RHOBTB1: variants seen among roughly 807,000 people sequenced by gnomAD.
RHOBTB1 encodes the protein Rho related BTB domain containing 1, also known as rho-related BTB domain-containing protein 1.
In RHOBTB1, 40 loss-of-function variants were observed where a neutral mutation model predicts 71.6. The observed-to-expected ratio is 0.56, with a 90% CI of 0.43 to 0.73. The LOEUF (loss-of-function observed/expected upper bound fraction) is 0.73. Ranked by LOEUF, RHOBTB1 falls within the 30% of genes least tolerant of loss-of-function variation. The probability of loss-of-function intolerance (pLI) is 0.00; values close to 1 mark genes in which losing one functional copy is unlikely to be tolerated. For synonymous variants in RHOBTB1, 319 were observed against 334.9 expected (o/e 0.95, Z 0.52); for missense variants, 797 against 894.0 (o/e 0.89, Z 1.38).
chr10:60,910,528 A>G (rs1163835359), intron 4 of RHOBTB1, among the ~76,000 whole-genome samples: 1 of 152,200 alleles, frequency 6.6e-6, no homozygotes, highest in Non-Finnish European at 1.5e-5. Context: ...AAGTAGGGTG[A>G]CCAAGTGCCA....
At chr10:60,989,261 A>G (rs1026484915) in intron 1 of RHOBTB1, among the ~76,000 whole-genome samples, 15 of 152,234 alleles carry the variant, frequency 9.9e-5, no homozygotes, top group African/African-American at 3.4e-4. Context: ...GTTTTATAAA[A>G]ATCAAGTAAG....
At chr10:60,944,817 T>A (rs1293350108), upstream of RHOBTB1, among the ~76,000 whole-genome samples, 1 of 152,184 alleles carries the variant, frequency 6.6e-6, no homozygotes, top group Non-Finnish European at 1.5e-5. Context: ...TCCTCCACTC[T>A]GGGTTACCTT....
intron 1 of RHOBTB1, among the ~76,000 whole-genome samples, chr10:60,996,592 G>A (rs1422014335): frequency 6.6e-6 from 1 of 152,044 alleles, no homozygotes; most frequent in Non-Finnish European, 1.5e-5. Context: ...ATGGTTATGC[G>A]AGGGCTGTTG....
chr10:60,884,817 A>G (rs2081491600), intron 7 of RHOBTB1, among the ~76,000 whole-genome samples: 1 of 152,214 alleles, frequency 6.6e-6, no homozygotes, highest in Admixed American at 6.5e-5. Context: ...AAGAGTGATT[A>G]CCAGAGGCTG....
At chr10:60,950,234 A>G (rs2085365595) in intron 2 of RHOBTB1, among the ~76,000 whole-genome samples, 2 of 152,246 alleles carry the variant, frequency 1.3e-5, no homozygotes, top group African/African-American at 4.8e-5. Context: ...AATTTAATGT[A>G]TAATGTGTAT....
intron 2 of RHOBTB1, among the ~76,000 whole-genome samples, chr10:60,956,425 C>T (rs996338330): frequency 2.0e-5 from 3 of 152,044 alleles, no homozygotes; most frequent in Non-Finnish European, 4.4e-5. Flanking sequence ...TACTCTCAGG[C>T]TACACTATAT....
chr10:60,960,977 G>A (rs1160922651), intron 2 of RHOBTB1, among the ~76,000 whole-genome samples: 1 of 152,074 alleles, frequency 6.6e-6, no homozygotes. Flanking sequence ...TGGGGGTGGA[G>A]GGTGGTTAAG....
intron 7 of RHOBTB1, among the ~76,000 whole-genome samples, chr10:60,881,669 T>C (rs1488207289): frequency 6.6e-6 from 1 of 151,854 alleles, no homozygotes; most frequent in African/African-American, 2.4e-5. Context: ...TTTTTCTTCT[T>C]CACGGAAACT....
intron 8 of RHOBTB1, among the ~76,000 whole-genome samples, chr10:60,875,326 T>C (rs1303846375): frequency 2.0e-5 from 3 of 152,214 alleles, no homozygotes; most frequent in Admixed American, 2.0e-4. Flanking sequence ...TGATAACTCC[T>C]GGCCACACGA....
chr10:60,928,639 G>A (rs369031876), intron 2 of RHOBTB1, among the ~76,000 whole-genome samples: 141 of 152,212 alleles, frequency 9.3e-4, no homozygotes, highest in African/African-American at 3.0e-3. Context: ...GTAGTGGAAA[G>A]GGGAGTAGAA....
chr10:60,911,031 A>G (rs779249340), intron 3 of RHOBTB1, 41 bp from the exon 4 acceptor site: 2 of 1,539,500 alleles, frequency 1.3e-6, no homozygotes, highest in Admixed American at 3.3e-5. Context: ...GGTGTCAGTC[A>G]GAAGTTCCCC....
intron 2 of RHOBTB1, among the ~76,000 whole-genome samples, chr10:60,921,160 C>G (rs1032970419): frequency 6.6e-6 from 1 of 151,876 alleles, no homozygotes; most frequent in African/African-American, 2.4e-5. Context: ...GTTGGCCATG[C>G]TGGTCTTGAA....
intron 2 of RHOBTB1, among the ~76,000 whole-genome samples, chr10:60,922,355 G>C (rs1275603392): frequency 6.6e-6 from 1 of 152,180 alleles, no homozygotes; most frequent in Non-Finnish European, 1.5e-5. Flanking sequence ...GGCAATGAAG[G>C]CACTGATGCC....
downstream of RHOBTB1, among the ~76,000 whole-genome samples, chr10:60,865,457 C>G (rs144102811): frequency 6.6e-6 from 1 of 152,102 alleles, no homozygotes; most frequent in Non-Finnish European, 1.5e-5. Flanking sequence ...GTTTTTTAAA[C>G]GCAGAAAAAC....
chr10:60,944,047 G>GCA lies in RHOBTB1; in HGVS notation c.-140_-139dup, dbSNP rs975075102. 2.0e-5 allele frequency: 3 copies of GCA among 151,880 alleles called. No homozygotes were observed. The highest frequency in any genetic ancestry group is 2.9e-5 in the Non-Finnish European group (2 of 68,032). The allele number at this position is 151,880 out of a possible 1,614,324, so 9.4% of individuals were successfully genotyped here. A position where few individuals can be genotyped will look rare whatever the true frequency, so the allele number is the denominator to read the frequency against. The stretch of plus-strand genomic sequence containing the variant: ...GCGGGGGGGCCCCCGCCACTCAGCA[G>GCA]CAGCCACGGCTGCGCGCGGTCGCGG... On this transcript the variant is annotated 5_prime_UTR_variant, in exon 1 of 11. The change abolishes the stop of an existing upstream ORF in the 5' untranslated region. Coordinates refer to ENST00000337910, the MANE Select transcript of RHOBTB1 (RefSeq NM_014836.5).
intron 4 of RHOBTB1, among the ~76,000 whole-genome samples, chr10:60,896,078 A>T (rs2082147400): frequency 6.6e-6 from 1 of 152,232 alleles, no homozygotes; most frequent in African/African-American, 2.4e-5. Flanking sequence ...TAATCTAGTC[A>T]AAGAAGGCAC....
intron 1 of RHOBTB1, among the ~76,000 whole-genome samples, chr10:60,988,469 C>T (rs2086745867): frequency 1.3e-5 from 2 of 151,944 alleles, no homozygotes; most frequent in East Asian, 3.9e-4. Flanking sequence ...CCCTCCCTAT[C>T]TAGTAGTCCC....
chr10:60,993,464 T>C (rs1565212274), intron 1 of RHOBTB1, among the ~76,000 whole-genome samples: 1 of 152,208 alleles, frequency 6.6e-6, no homozygotes, highest in Non-Finnish European at 1.5e-5. Flanking sequence ...TAAGTATATA[T>C]AAAATATGAC....
intron 10 of RHOBTB1, 151 bp from the exon 11 acceptor site, chr10:60,871,802 C>T (rs147791365): frequency 4.3e-5 from 30 of 697,172 alleles, no homozygotes; most frequent in East Asian, 1.9e-4. Flanking sequence ...GTGACACTAA[C>T]GTTCTGAGAG....
Sources: gnomAD v4.1 joint callset for allele counts (sites outside exome capture counted in the v4.1 genomes callset) on GRCh38, gnomAD v4.1.1 for gene constraint, MANE v1.5 for transcripts, NCBI Gene and HGNC (gene_info 2026-07-23, HGNC 2026-07-21) for gene names.